NBPF12: variants seen among roughly 807,000 people sequenced by gnomAD.
NBPF12 encodes the protein NBPF family member NBPF12.
NBPF12 carries 115 observed loss-of-function variants against 146.4 expected under a neutral mutation model. The observed-to-expected ratio is 0.79, with a 90% CI of 0.68 to 0.92. The LOEUF is 0.92. Among genes scored for constraint, NBPF12 ranks in the 40% least tolerant of loss-of-function variants. The pLI, the probability that NBPF12 is intolerant of heterozygous loss-of-function variation, is 0.00. For missense variants in NBPF12, 1,205 were observed against 1,326.8 expected (o/e 0.91, Z 1.43); for synonymous variants, 385 against 508.9 (o/e 0.76, Z 3.28).
Position 146,971,313 on chromosome 1 carries a change from G to C in NBPF12, c.1510G>C (p.Glu504Gln), listed in dbSNP as rs1303027111. The C allele has an allele frequency of 2.5e-6, 4 of 1,612,092 alleles. No individual in the cohort carries two copies. The African/African-American group carries it at 5.4e-5, about 22-fold the overall frequency. The change falls in exon 13 of 34, where the codon GAA becomes CAA. Residue 504 changes from glutamate to glutamine, a missense_variant. Glu to Gln is a conservative substitution (Grantham distance 29, BLOSUM62 2). This residue lies in a region of NBPF12 where 278 missense variants were observed against 203.1 expected (regional missense o/e 1.37). Coordinates refer to ENST00000617844, the Ensembl canonical transcript of NBPF12. ...CAAGAACATCAAAATCACATTTGAG[G>C]AAGACAAAGTCAACTCATCTCTGGT...
At chr1:146,966,288 A>G (rs1389309691) in intron 8 of NBPF12, among the ~76,000 whole-genome samples, 176 bp from the exon 12 acceptor site, 4 of 152,060 alleles carry the variant, frequency 2.6e-5, no homozygotes, top group Non-Finnish European at 5.9e-5. Flanking sequence ...GTGACTGCAT[A>G]GCTAAGACAA....
chr1:146,939,169 C>T (rs1553882526), intron 1 of NBPF12, among the ~76,000 whole-genome samples, 157 bp downstream of exon 1: 2,060 of 152,080 alleles, frequency 0.014, 20 homozygotes, highest in South Asian at 0.033. Flanking sequence ...TCCTCGCCTG[C>T]CGCTGCAGCC....
At chr1:146,939,412 T>C (rs1654692720) in intron 1 of NBPF12, among the ~76,000 whole-genome samples, 1 of 151,980 alleles carries the variant, frequency 6.6e-6, no homozygotes, top group Non-Finnish European at 1.5e-5. Flanking sequence ...ATTCTGCTCC[T>C]GGCGGTGTCT....
At chr1:146,945,745 G>C (rs1445256262), upstream of NBPF12, among the ~76,000 whole-genome samples, 4 of 152,054 alleles carry the variant, frequency 2.6e-5, no homozygotes, top group African/African-American at 9.7e-5. Flanking sequence ...TTAGTATATT[G>C]TATTAGTGTG....
At chr1:146,972,859 G>T (rs1553886801) in exon 14 of NBPF12, 5 of 1,237,066 alleles carry the variant, frequency 4.0e-6, no homozygotes, top group South Asian at 1.2e-5. Context: ...GAGAAGTTGC[G>T]CCCCCAGCTG....
exon 34 of NBPF12, chr1:146,994,586 C>G (rs781825785): frequency 2.1e-5 from 34 of 1,607,442 alleles, no homozygotes; most frequent in South Asian, 7.7e-5. Context: ...GCAGCCCTTA[C>G]TAAGCCGAGA....
upstream of NBPF12, among the ~76,000 whole-genome samples, chr1:146,945,785 T>G (rs1299667061): frequency 2.0e-4 from 31 of 152,236 alleles, no homozygotes; most frequent in Non-Finnish European, 4.1e-4. Context: ...TGAACCACTG[T>G]TGATACATCA....
chr1:146,957,835 AAATAT>A lies in NBPF12; in HGVS notation c.-183-2017_-183-2013del, dbSNP rs1303277268. ...CTCCGCCACTTAAAAAAGAAAAAAA[AAATAT>A]AATATATATATATATACACGTGTTA... is the stretch of plus-strand genomic sequence containing the variant. On this transcript the variant is annotated intron_variant, in intron 2 of 33. Transcript: ENST00000617844. Among the ~76,000 whole-genome samples the A allele has an allele frequency of 6.4e-5, 6 of 93,136 alleles. 1 individual carries two copies. Among genetic ancestry groups the A allele is most frequent in the Non-Finnish European group, 1.3e-4 (6 of 47,024 alleles). 61.1% of individuals were successfully genotyped at this position (93,136 alleles called of 152,430 possible). A position where few individuals can be genotyped will look rare whatever the true frequency, so the allele number is the denominator to read the frequency against.
At chr1:146,975,851 G>C in exon 16 of NBPF12, 2 of 1,610,572 alleles carry the variant, frequency 1.2e-6, no homozygotes, top group Non-Finnish European at 1.7e-6. Context: ...TGGCTGAGGG[G>C]TGTAGACTGG....
chr1:146,947,892 A>G (rs1655143094), upstream of NBPF12, among the ~76,000 whole-genome samples: 1 of 151,876 alleles, frequency 6.6e-6, no homozygotes, highest in African/African-American at 2.4e-5. Flanking sequence ...GGTATTTGTT[A>G]CCAAACCTTG....
chr1:146,955,011 TATACAC>T (rs1400808197), intron 2 of NBPF12, among the ~76,000 whole-genome samples: 2 of 78,898 alleles, frequency 2.5e-5, no homozygotes, highest in Non-Finnish European at 5.0e-5. Flanking sequence ...TATATATATA[TATACAC>T]ACACACACAC....
upstream of NBPF12, among the ~76,000 whole-genome samples, chr1:146,947,776 T>G (rs1553883493): frequency 9.8e-3 from 1,477 of 151,128 alleles, 11 homozygotes; most frequent in Non-Finnish European, 0.015. Context: ...GTGTTCGTTT[T>G]GTGACAAGTA....
intron 10 of NBPF12, 92 bp downstream of exon 13, chr1:146,968,642 G>C: frequency 8.5e-7 from 1 of 1,182,980 alleles, no homozygotes; most frequent in Non-Finnish European, 1.3e-6. Context: ...GCTAAGCTGG[G>C]CCAGGGGAAG....
At chr1:146,981,292 A>ATATATAT (rs1182919966) in intron 19 of NBPF12, among the ~76,000 whole-genome samples, 16 of 104,118 alleles carry the variant, frequency 1.5e-4, no homozygotes, top group African/African-American at 6.1e-4. Context: ...AAAAAAAAAA[A>ATATATAT]AAATATATAT....
At chr1:146,992,485 TG>T (rs1658255987) in intron 31 of NBPF12, among the ~76,000 whole-genome samples, 2 of 139,670 alleles carry the variant, frequency 1.4e-5, no homozygotes, top group African/African-American at 5.4e-5. Context: ...TGTGTGTGTG[TG>T]TGTGTGTGTG....
In NBPF12 at chr1:146,962,281, G is replaced by A. The variant is rs1331512084; in HGVS notation, c.278+18G>A. On this transcript the variant is annotated intron_variant, in intron 5 of 33. Coordinates refer to ENST00000617844, the Ensembl canonical transcript of NBPF12. ...GAGCTCAGGTGAGGGGACCCCATGG[G>A]GGGAGGCAGGCGGGTAGGTGTGTAG... is the stretch of plus-strand genomic sequence containing the variant. 6 of 1,595,148 alleles carry A rather than the reference G, an allele frequency of 3.8e-6. No individual in the cohort carries two copies. The highest frequency in any genetic ancestry group is 5.1e-6 in the Non-Finnish European group (6 of 1,171,660).
At chr1:146,969,215 A>G (rs1656417688) in intron 10 of NBPF12, among the ~76,000 whole-genome samples, 167 bp from the exon 14 acceptor site, 1 of 151,146 alleles carries the variant, frequency 6.6e-6, no homozygotes, top group Admixed American at 6.6e-5. Flanking sequence ...GAAGCCTGTA[A>G]ACCATTTTCT....
intron 11 of NBPF12, 111 bp downstream of exon 14, chr1:146,969,707 A>G (rs1335751735): frequency 2.6e-6 from 4 of 1,561,716 alleles, no homozygotes; most frequent in Admixed American, 1.7e-5. Flanking sequence ...TCTACTACAC[A>G]TGTGTGGCCA....
At position 146,971,496 on chromosome 1, in the gene NBPF12, A is replaced by G; in HGVS notation, c.1591+102A>G. On this transcript the variant is annotated intron_variant, in intron 13 of 33. Transcript: ENST00000617844. Reference sequence around the variant, plus strand: ...CACATATTGTTATTGTTTTAGTCAGAAACTAGGATGGAACTAGGTGCTGTG... The same window carrying G: ...CACATATTGTTATTGTTTTAGTCAGGAACTAGGATGGAACTAGGTGCTGTG... 6.6e-6 allele frequency: 6 copies of G among 912,400 alleles called. 1 individual carries two copies. Among genetic ancestry groups the G allele is most frequent in the Non-Finnish European group, 9.9e-6 (6 of 603,636 alleles). 56.5% of individuals were successfully genotyped at this position (912,400 alleles called of 1,614,324 possible). A position where few individuals can be genotyped will look rare whatever the true frequency, so the allele number is the denominator to read the frequency against.
Sources: gnomAD v4.1 joint callset for allele counts (sites outside exome capture counted in the v4.1 genomes callset) on GRCh38, gnomAD v4.1.1 for gene constraint, gnomAD v4.1.1 regional missense constraint, MANE v1.5 for transcripts, NCBI Gene and HGNC (gene_info 2026-07-23, HGNC 2026-07-21) for gene names.